The following CCBE1 variants were observed in gnomAD, a reference collection of about 807,000 sequenced individuals.
CCBE1 encodes collagen and calcium binding EGF domains 1, also known as collagen and calcium-binding EGF domain-containing protein 1.
In CCBE1, 37 loss-of-function variants were observed where a neutral mutation model predicts 50.0. The observed-to-expected ratio is 0.74, with a 90% confidence interval of 0.57 to 0.97. The LOEUF (loss-of-function observed/expected upper bound fraction) is 0.97, where lower values mean the gene tolerates loss of function less well. Among genes scored for constraint, CCBE1 ranks in the 50% least tolerant of loss-of-function variants. CCBE1 has a pLI of 0.00. For synonymous variants in CCBE1, 234 were observed against 203.7 expected, an observed-to-expected ratio of 1.15 and a Z score of -1.27; for missense variants, 538 against 523.8, an observed-to-expected ratio of 1.03 and a Z score of -0.26.
intron 2 of CCBE1, among the ~76,000 whole-genome samples, chr18:59,695,354 C>T (rs1033727374): frequency 6.6e-6 from 1 of 152,178 alleles, no homozygotes; most frequent in Non-Finnish European, 1.5e-5. Context: ...ACCCAGTTAG[C>T]CTCTTTAAGT....
intron 2 of CCBE1, among the ~76,000 whole-genome samples, chr18:59,645,351 T>C (rs1418253881): frequency 6.6e-6 from 1 of 152,236 alleles, no homozygotes; most frequent in African/African-American, 2.4e-5. Flanking sequence ...GGACATTGGA[T>C]ACATTCAGTG....
chr18:59,570,663 CT>C (rs2052897788), intron 2 of CCBE1, among the ~76,000 whole-genome samples: 1 of 151,916 alleles, frequency 6.6e-6, no homozygotes, highest in Middle Eastern at 3.4e-3. Flanking sequence ...GGAAGTCATC[CT>C]TGGAGATGTG....
chr18:59,553,192 C>A (rs1915990494), intron 2 of CCBE1, among the ~76,000 whole-genome samples: 1 of 150,944 alleles, frequency 6.6e-6, no homozygotes, highest in Admixed American at 6.6e-5. Flanking sequence ...CTGTTCTACT[C>A]AGCCAGTCTA....
Position 59,573,297 on chromosome 18 carries a change from ATATATG to A in CCBE1, c.213-93065_213-93060del, listed in dbSNP as rs1178171948. 6.9e-3 allele frequency among the ~76,000 whole-genome samples: 841 copies of A among 122,214 alleles called. 56 individuals are homozygous for A. Among genetic ancestry groups the A allele is most frequent in the African/African-American group, 0.033 (784 of 23,608 alleles). The allele number at this position is 122,214 out of a possible 152,430, so 80.2% of individuals were successfully genotyped here. ...GAGACTCCGTCTAATATATATATAT[ATATATG>A]TATGTATGTGATAGGCCTCATCCAA... is the stretch of plus-strand genomic sequence containing the variant. On this transcript the variant is annotated intron_variant, in intron 2 of 10. Transcript: ENST00000439986.
intron 2 of CCBE1, among the ~76,000 whole-genome samples, chr18:59,540,232 C>T (rs1915416371): frequency 6.6e-6 from 1 of 152,138 alleles, no homozygotes; most frequent in Non-Finnish European, 1.5e-5. Context: ...GGCAATTAAA[C>T]ATTAGACTTT....
At chr18:59,544,895 T>A (rs1238848023) in intron 2 of CCBE1, among the ~76,000 whole-genome samples, 2 of 152,220 alleles carry the variant, frequency 1.3e-5, no homozygotes, top group Non-Finnish European at 2.9e-5. Context: ...TTTAGCACAA[T>A]ATCAGGTAGA....
chr18:59,595,102 G>A (rs564807272), intron 2 of CCBE1, among the ~76,000 whole-genome samples: 2 of 132,460 alleles, frequency 1.5e-5, no homozygotes, highest in East Asian at 2.1e-4. Flanking sequence ...GCAACAGAGC[G>A]AGACTCTGTC....
At chr18:59,555,350 A>G (rs1393857045) in intron 2 of CCBE1, among the ~76,000 whole-genome samples, 1 of 152,140 alleles carries the variant, frequency 6.6e-6, no homozygotes, top group East Asian at 1.9e-4. Flanking sequence ...AAGGCTATGA[A>G]ACTGCCCCAA....
chr18:59,501,656 T>G (rs974118291), intron 2 of CCBE1, among the ~76,000 whole-genome samples: 1 of 152,222 alleles, frequency 6.6e-6, no homozygotes, highest in Non-Finnish European at 1.5e-5. Context: ...CTACTACCTG[T>G]GCTGGTCTCA....
intron 3 of CCBE1, among the ~76,000 whole-genome samples, chr18:59,471,081 T>C (rs1912011571): frequency 2.0e-5 from 3 of 152,192 alleles, no homozygotes; most frequent in African/African-American, 7.2e-5. Context: ...AGCGTGATCC[T>C]GGCATGACTG....
At chr18:59,550,352 G>A (rs1227233926) in intron 2 of CCBE1, among the ~76,000 whole-genome samples, 1 of 152,206 alleles carries the variant, frequency 6.6e-6, no homozygotes, top group Admixed American at 6.5e-5. Context: ...GCAGAGCTGA[G>A]TGGTTGTGAC....
At chr18:59,450,672 T>TGG (rs1265911656) in intron 6 of CCBE1, among the ~76,000 whole-genome samples, 1 of 152,214 alleles carries the variant, frequency 6.6e-6, no homozygotes, top group African/African-American at 2.4e-5. Flanking sequence ...TAGATGGAGA[T>TGG]TACAGGCTCC....
rs184887688 is a variant in CCBE1 at position 59,457,479 on chromosome 18, C to T, written c.554-2528G>A. ...ACAGCCCTGGAATTACAATTCCCAC[C>T]ACATGTGGCTGCTGTGATGACTGGG... On this transcript the variant is annotated intron_variant, in intron 5 of 10. Transcript: ENST00000439986. Among the ~76,000 whole-genome samples, 363 of 152,298 alleles carry T rather than the reference C, an allele frequency of 2.4e-3. 5 individuals carry two copies. Among genetic ancestry groups the T allele is most frequent in the African/African-American group, 8.5e-3 (353 of 41,570 alleles).
intron 2 of CCBE1, among the ~76,000 whole-genome samples, chr18:59,589,595 A>C (rs1368219035): frequency 1.3e-5 from 2 of 152,096 alleles, no homozygotes; most frequent in Non-Finnish European, 2.9e-5. Context: ...GGAGATCGAG[A>C]CCATCCTGGC....
At chr18:59,686,097 G>T (rs1408682481) in intron 2 of CCBE1, 1 of 152,208 alleles carries the variant, frequency 6.6e-6, no homozygotes, top group Non-Finnish European at 1.5e-5. Flanking sequence ...ATGATGAACA[G>T]AATTTCATTT....
chr18:59,472,466 C>T lies in CCBE1; in HGVS notation c.266-2859G>A, dbSNP rs149549664. Among the ~76,000 whole-genome samples the T allele has an allele frequency of 1.8e-4, 27 of 152,300 alleles. 1 individual carries two copies. The East Asian group carries it at 5.2e-3, about 29-fold the overall frequency. Reference sequence around the variant, plus strand: ...TGATCACTGATTCATCACCAGAGATCCCCTCAATTTTGCGAATCTCTTCTT... The same window carrying T: ...TGATCACTGATTCATCACCAGAGATTCCCTCAATTTTGCGAATCTCTTCTT... On this transcript the variant is annotated intron_variant, in intron 3 of 10. Transcript: ENST00000439986.
chr18:59,597,786 G>A (rs1222340274), intron 2 of CCBE1, among the ~76,000 whole-genome samples: 1 of 152,110 alleles, frequency 6.6e-6, no homozygotes, highest in Non-Finnish European at 1.5e-5. Context: ...TCAGTAATAA[G>A]ACCATGAGGT....
chr18:59,612,273 C>T (rs145431494), intron 2 of CCBE1, among the ~76,000 whole-genome samples: 121 of 137,728 alleles, frequency 8.8e-4, no homozygotes, highest in Non-Finnish European at 1.5e-3. Context: ...TGCACATGTA[C>T]CCTAAAACTT....
At chr18:59,477,508 C>T (rs1912364351) in intron 3 of CCBE1, among the ~76,000 whole-genome samples, 1 of 151,048 alleles carries the variant, frequency 6.6e-6, no homozygotes, top group East Asian at 2.0e-4. Context: ...ATGAGTATTT[C>T]TTATCTTTCC....
Sources: allele counts gnomAD v4.1 joint callset (sites outside exome capture counted in the v4.1 genomes callset), GRCh38; gene constraint gnomAD v4.1.1; transcripts MANE v1.5; gene names NCBI Gene and HGNC (gene_info 2026-07-23, HGNC 2026-07-21).